Variants in GABRG3 observed in about 807,000 individuals in gnomAD.
GABRG3 encodes the protein gamma-aminobutyric acid receptor subunit gamma-3.
Under a neutral mutation model 48.8 loss-of-function variants are expected in GABRG3, and 25 were observed. That is an observed-to-expected ratio of 0.51 (90% confidence interval 0.37 to 0.72). The LOEUF is 0.72. Ranked by LOEUF, GABRG3 falls within the 30% of genes least tolerant of loss-of-function variation. GABRG3 has a pLI of 0.00. For synonymous variants in GABRG3, 227 were observed against 217.6 expected, an observed-to-expected ratio of 1.04 and a Z score of -0.38; for missense variants, 394 against 577.9, an observed-to-expected ratio of 0.68 and a Z score of 3.26.
intron 2 of GABRG3, among the ~76,000 whole-genome samples, chr15:27,017,620 G>A (rs942221570): frequency 6.6e-6 from 1 of 152,222 alleles, no homozygotes; most frequent in Non-Finnish European, 1.5e-5. Flanking sequence ...TCCTCAGGGA[G>A]AAGTTGGGAA....
intron 5 of GABRG3, among the ~76,000 whole-genome samples, chr15:27,456,059 C>A (rs1889266564): frequency 6.6e-6 from 1 of 152,142 alleles, no homozygotes; most frequent in Non-Finnish European, 1.5e-5. Context: ...ATGATTGAGA[C>A]CTGCCCTGAA....
chr15:27,413,446 C>T (rs1439385797), intron 5 of GABRG3, among the ~76,000 whole-genome samples: 5 of 152,078 alleles, frequency 3.3e-5, no homozygotes, highest in East Asian at 3.8e-4. Context: ...AGGGGGAAAA[C>T]GGTATTTTGA....
chr15:27,524,630 G>A (rs1052757905), intron 7 of GABRG3, among the ~76,000 whole-genome samples: 1 of 152,026 alleles, frequency 6.6e-6, no homozygotes, highest in Admixed American at 6.5e-5. Context: ...CTACATTTCA[G>A]TCACATTGGT....
chr15:27,524,017 A>T (rs1891218794), intron 7 of GABRG3, among the ~76,000 whole-genome samples: 1 of 152,112 alleles, frequency 6.6e-6, no homozygotes, highest in South Asian at 2.1e-4. Context: ...AAAAGGCATA[A>T]ATCTAGAGAT....
intron 3 of GABRG3, among the ~76,000 whole-genome samples, chr15:27,216,750 T>TTTTATTTATTTATTTATTTA (rs57072496): frequency 7.9e-6 from 1 of 125,870 alleles, no homozygotes; most frequent in African/African-American, 3.2e-5. Flanking sequence ...TTTTTTTATT[T>TTTTATTTATTTATTTATTTA]TTTATTTATT....
At chr15:27,394,581 A>G (rs768109983) in intron 5 of GABRG3, among the ~76,000 whole-genome samples, 2 of 151,998 alleles carry the variant, frequency 1.3e-5, no homozygotes, top group African/African-American at 4.8e-5. Flanking sequence ...TACTCTGTCT[A>G]TCCATTTGTT....
chr15:27,354,563 G>A (rs1342472500), intron 5 of GABRG3, among the ~76,000 whole-genome samples: 1 of 152,188 alleles, frequency 6.6e-6, no homozygotes, highest in Non-Finnish European at 1.5e-5. Context: ...CCAGGGGCCT[G>A]AGGAAGGGCA....
intron 3 of GABRG3, among the ~76,000 whole-genome samples, chr15:27,193,407 GC>G (rs1429350776): frequency 4.0e-5 from 6 of 150,542 alleles, no homozygotes; most frequent in African/African-American, 1.5e-4. Flanking sequence ...GTTTACCTAA[GC>G]AAGCCTGGGC....
At chr15:27,196,130 C>G (rs1428349271) in intron 3 of GABRG3, among the ~76,000 whole-genome samples, 1 of 152,188 alleles carries the variant, frequency 6.6e-6, no homozygotes, top group East Asian at 1.9e-4. Context: ...GGAGCAGTAA[C>G]CCGATGTCTC....
intron 9 of GABRG3, 30 bp downstream of exon 9, chr15:27,528,022 T>C: frequency 5.9e-6 from 9 of 1,516,328 alleles, no homozygotes; most frequent in Non-Finnish European, 7.2e-6. Context: ...TGCCAATATT[T>C]CTGAGAACTT....
At chr15:27,250,564 T>C (rs760182168) in intron 3 of GABRG3, among the ~76,000 whole-genome samples, 1 of 152,066 alleles carries the variant, frequency 6.6e-6, no homozygotes, top group African/African-American at 2.4e-5. Flanking sequence ...GTAGCTGAGA[T>C]TATAGTCGTG....
At chr15:27,017,411 T>C (rs1021446403) in intron 2 of GABRG3, among the ~76,000 whole-genome samples, 2 of 152,206 alleles carry the variant, frequency 1.3e-5, no homozygotes, top group African/African-American at 4.8e-5. Flanking sequence ...ACTGAGGTAC[T>C]GGCACTCCCC....
intron 3 of GABRG3, among the ~76,000 whole-genome samples, chr15:27,135,509 G>C (rs999790459): frequency 6.6e-6 from 1 of 151,666 alleles, no homozygotes; most frequent in Non-Finnish European, 1.5e-5. Flanking sequence ...CTGATCATTT[G>C]GATGGATCAG....
chr15:27,400,353 T>A lies in GABRG3; in HGVS notation c.574+71465T>A, dbSNP rs774182029. Among the ~76,000 whole-genome samples, 8 of 152,238 alleles carry A rather than the reference T, an allele frequency of 5.3e-5. No individual in the cohort carries two copies. In the South Asian group the frequency reaches 1.4e-3, roughly 28 times the overall value. On this transcript the variant is annotated intron_variant, in intron 5 of 9. Transcript: ENST00000615808. ...CTCACATTTTGTATTTATTTTGCCA[T>A]GCTTTAGCAAAGCACTTTGCAGTCA...
At chr15:27,195,607 A>G (rs1478267005) in intron 3 of GABRG3, among the ~76,000 whole-genome samples, 2 of 151,882 alleles carry the variant, frequency 1.3e-5, no homozygotes, top group Non-Finnish European at 2.9e-5. Flanking sequence ...TGGGTGAGCC[A>G]CCATGCCTGG....
At chr15:27,474,562 CT>C (rs1253157591) in intron 5 of GABRG3, among the ~76,000 whole-genome samples, 2 of 152,228 alleles carry the variant, frequency 1.3e-5, no homozygotes, top group East Asian at 3.9e-4. Context: ...GCTTCATTAG[CT>C]TAGTGGCATG....
chr15:27,086,495 AAT>A (rs1897079554), intron 3 of GABRG3, among the ~76,000 whole-genome samples: 1 of 152,226 alleles, frequency 6.6e-6, no homozygotes. Context: ...AAATCCAAAG[AAT>A]AATATGTATG....
At chr15:27,245,222 G>C (rs371189641) in intron 3 of GABRG3, among the ~76,000 whole-genome samples, 33 of 152,294 alleles carry the variant, frequency 2.2e-4, no homozygotes, top group African/African-American at 7.7e-4. Flanking sequence ...CAGGTAGCAG[G>C]TGCCAGGCAG....
chr15:27,369,315 A>G (rs1895316083), intron 5 of GABRG3, among the ~76,000 whole-genome samples: 2 of 152,230 alleles, frequency 1.3e-5, no homozygotes. Flanking sequence ...TGTCATGTAA[A>G]TGACCTTTCA....
Sources: gnomAD v4.1 joint callset for allele counts (sites outside exome capture counted in the v4.1 genomes callset) on GRCh38, gnomAD v4.1.1 for gene constraint, MANE v1.5 for transcripts, NCBI Gene and HGNC (gene_info 2026-07-23, HGNC 2026-07-21) for gene names.